The following CNNM1 variants were observed in gnomAD, a reference collection of about 807,000 sequenced individuals.
CNNM1 encodes cyclin and CBS domain divalent metal cation transport mediator 1, also known as metal transporter CNNM1.
Under a neutral mutation model 78.8 loss-of-function variants are expected in CNNM1, and 44 were observed. That is an observed-to-expected ratio of 0.56 (90% CI 0.44 to 0.72). CNNM1 has a LOEUF of 0.72. Ranked by LOEUF, CNNM1 falls within the 30% of genes least tolerant of loss-of-function variation. CNNM1 has a pLI of 0.00. For synonymous variants in CNNM1, 584 were observed against 581.5 expected (o/e 1.00, Z -0.06); for missense variants, 1,101 against 1,292.2 (o/e 0.85, Z 2.27).
At chr10:99,359,701 T>A (rs1042957104) in intron 2 of CNNM1, among the ~76,000 whole-genome samples, 5 of 152,116 alleles carry the variant, frequency 3.3e-5, no homozygotes, top group African/African-American at 1.2e-4. Flanking sequence ...GGCCTTATTT[T>A]CCTGCCACAG....
At chr10:99,361,198 C>T (rs2031421628) in intron 3 of CNNM1, among the ~76,000 whole-genome samples, 1 of 152,200 alleles carries the variant, frequency 6.6e-6, no homozygotes, top group Non-Finnish European at 1.5e-5. Context: ...TATAACTCAA[C>T]TCTTCTACCA....
rs1158514838 is a variant in CNNM1, at chr10:99,393,873, T to TGCCTG, written c.*2368_*2372dup. ...TGATTATTGACTTCACCACACCCCTTGCCTGGCCTGGCCTGAGGCTCAGCA... is the reference window on the plus strand; with the variant it reads ...TGATTATTGACTTCACCACACCCCTTGCCTGGCCTGGCCTGGCCTGAGGCTCAGCA... On this transcript the variant is annotated 3_prime_UTR_variant, in exon 11 of 11. Coordinates refer to ENST00000356713, the MANE Select transcript of CNNM1 (RefSeq NM_020348.3). The TGCCTG allele has an allele frequency of 6.6e-6, 1 of 152,298 alleles. No individual in the cohort carries two copies. The highest frequency in any genetic ancestry group is 1.5e-5 in the Non-Finnish European group (1 of 68,110). 9.4% of individuals were successfully genotyped at this position (152,298 alleles called of 1,614,324 possible). A position where few individuals can be genotyped will look rare whatever the true frequency, so the allele number is the denominator to read the frequency against.
chr10:99,391,572 T>A lies in CNNM1; in HGVS notation c.*56T>A. 1 of 1,468,058 alleles carries A rather than the reference T, an allele frequency of 6.8e-7. No individual in the cohort carries two copies. The highest frequency in any genetic ancestry group is 9.5e-7 in the Non-Finnish European group (1 of 1,053,240). 90.9% of individuals were successfully genotyped at this position (1,468,058 alleles called of 1,614,324 possible). On this transcript the variant is annotated 3_prime_UTR_variant, in exon 11 of 11. Transcript: ENST00000356713. ...GAAATTCCAGAGCTTTGGGGGAGAA[T>A]CCACCCTCCCATCATCTGCTTCCCC...
At position 99,362,300 on chromosome 10, in the gene CNNM1, C is replaced by T; in HGVS notation, c.1932C>T (p.Ile644=). ...GGCTCCTGAAACATCCCAACGTGAT[C>T]CAGGAGCTGAAGTTTGATGAGAAGA... ...LLRLLKHPNV[I]QELKFDEKNK... Residue 644 remains isoleucine (I), a synonymous_variant, in exon 4 of 11, where the codon ATC becomes ATT. Coordinates refer to ENST00000356713, the MANE Select transcript of CNNM1 (RefSeq NM_020348.3). 1 of 1,614,004 alleles carries T rather than the reference C, an allele frequency of 6.2e-7. No individual in the cohort carries two copies. The highest frequency in any genetic ancestry group is 1.1e-5 in the South Asian group (1 of 91,084).
intron 2 of CNNM1, among the ~76,000 whole-genome samples, chr10:99,358,703 C>T (rs776266491): frequency 2.6e-5 from 4 of 152,078 alleles, no homozygotes; most frequent in African/African-American, 4.8e-5. Context: ...CTGTGCTTGC[C>T]CGGACCAGGC....
chr10:99,348,037 T>A (rs2030781280), intron 1 of CNNM1, among the ~76,000 whole-genome samples: 2 of 58,472 alleles, frequency 3.4e-5, no homozygotes, highest in Non-Finnish European at 6.4e-5. Context: ...TGTGTGTGTG[T>A]GTATATATAT....
chr10:99,330,725 G>C lies in CNNM1; in HGVS notation c.1338G>C (p.Ala446=), dbSNP rs777447275. 5.0e-6 allele frequency: 8 copies of C among 1,613,888 alleles called. No homozygotes were observed. The East Asian group carries it at 6.7e-5, about 13-fold the overall frequency. ...ACTGCTTCATGCTGCGCTCAGACGC[G>C]GTGCTCGACTTCGCCACTGTCTCCG... is the stretch of plus-strand genomic sequence containing the variant. ...LGDCFMLRSD[A]VLDFATVSEI... The change falls in exon 1 of 11, where the codon GCG becomes GCC. Residue 446 remains alanine, a synonymous_variant. Transcript: ENST00000356713.
At chr10:99,365,655 C>T (rs756291047) in intron 6 of CNNM1, among the ~76,000 whole-genome samples, 1 of 152,124 alleles carries the variant, frequency 6.6e-6, no homozygotes, top group African/African-American at 2.4e-5. Flanking sequence ...AAGGGCATGG[C>T]ATTTTTTGTG....
chr10:99,352,133 ACT>A (rs1173108518), intron 1 of CNNM1, among the ~76,000 whole-genome samples: 3 of 151,396 alleles, frequency 2.0e-5, no homozygotes, highest in African/African-American at 7.3e-5. Context: ...CATGCCCCAC[ACT>A]CTCCTTTCCC....
At chr10:99,338,712 A>G (rs1012799843) in intron 1 of CNNM1, among the ~76,000 whole-genome samples, 1 of 152,208 alleles carries the variant, frequency 6.6e-6, no homozygotes, top group Non-Finnish European at 1.5e-5. Context: ...ATCCTGAAAT[A>G]GTAACTCAAT....
chr10:99,376,953 T>C (rs2031981154), intron 6 of CNNM1, 102 bp from the exon 7 acceptor site: 2 of 1,175,536 alleles, frequency 1.7e-6, no homozygotes, highest in Non-Finnish European at 2.4e-6. Context: ...GGGACCTCAG[T>C]AAACAACACC....
chr10:99,334,592 A>G (rs2030080536), intron 1 of CNNM1, among the ~76,000 whole-genome samples: 1 of 152,192 alleles, frequency 6.6e-6, no homozygotes, highest in South Asian at 2.1e-4. Flanking sequence ...CGGAGGTTGC[A>G]GTGAGCTGAG....
chr10:99,343,988 G>T (rs1184311039), intron 1 of CNNM1, among the ~76,000 whole-genome samples: 37 of 150,084 alleles, frequency 2.5e-4, no homozygotes, highest in Admixed American at 2.4e-3. Context: ...CTCCCAAAGT[G>T]CTGGGATTAC....
intron 7 of CNNM1, among the ~76,000 whole-genome samples, chr10:99,378,426 A>C (rs1234528737): frequency 6.6e-6 from 1 of 152,212 alleles, no homozygotes; most frequent in East Asian, 1.9e-4. Context: ...CCAGGGTGGA[A>C]GAAGGTCCTT....
Position 99,390,312 on chromosome 10 carries a change from A to G in CNNM1, c.2681A>G (p.Asp894Gly). Residue 894 changes from aspartate to glycine, a missense_variant, in exon 10 of 11, where the codon GAT (aspartate) becomes GGT (glycine). By Grantham distance (94) the Asp-to-Gly change is moderately conservative. Transcript: ENST00000356713. ...CTCTCCTTTCCTTTCTCAGCATCAG[A>G]TAGTGAATGTTGTAACATCAACCTG... is the stretch of plus-strand genomic sequence containing the variant. Reference protein sequence around the residue: ...PAAVPTRAASDSECCNINLDT... With the variant: ...PAAVPTRAASGSECCNINLDT... The G allele has an allele frequency of 1.2e-6, 2 of 1,611,446 alleles. No individual in the cohort carries two copies. The highest frequency in any genetic ancestry group is 3.3e-5 in the Admixed American group (2 of 59,832).
At chr10:99,366,844 G>T (rs1037377398) in intron 6 of CNNM1, among the ~76,000 whole-genome samples, 1 of 152,064 alleles carries the variant, frequency 6.6e-6, no homozygotes, top group African/African-American at 2.4e-5. Flanking sequence ...CTTCCTTCCT[G>T]TTTCTAGTTC....
chr10:99,360,759 C>T (rs1302521573), intron 2 of CNNM1, 76 bp from the exon 3 acceptor site: 2 of 1,517,080 alleles, frequency 1.3e-6, no homozygotes. Context: ...CTATCTGTCC[C>T]CTGTGATTCT....
chr10:99,371,158 G>T (rs1052219884), intron 6 of CNNM1, among the ~76,000 whole-genome samples: 6 of 152,150 alleles, frequency 3.9e-5, no homozygotes, highest in Non-Finnish European at 7.3e-5. Context: ...TACGAATCTG[G>T]TGCTCGCACT....
Position 99,355,058 on chromosome 10 carries a change from T to C in CNNM1, c.1574-2454T>C, listed in dbSNP as rs540123105. 1.7e-3 allele frequency among the ~76,000 whole-genome samples: 265 copies of C among 152,330 alleles called. 2 individuals carry two copies. The highest frequency in any genetic ancestry group is 6.2e-3 in the African/African-American group (259 of 41,580). Reference sequence around the variant, plus strand: ...TAAAAACTCCAAGGGGTAGCTATCTTATGATTTCAGATATTTGATACAGAA... The same window carrying C: ...TAAAAACTCCAAGGGGTAGCTATCTCATGATTTCAGATATTTGATACAGAA... On this transcript the variant is annotated intron_variant, in intron 1 of 10. Transcript: ENST00000356713.
Sources: allele counts gnomAD v4.1 joint callset (sites outside exome capture counted in the v4.1 genomes callset), GRCh38; gene constraint gnomAD v4.1.1; transcripts MANE v1.5; gene names NCBI Gene and HGNC (gene_info 2026-07-23, HGNC 2026-07-21).